Variants in THEM4 observed in about 807,000 individuals in gnomAD.
THEM4 encodes the protein acyl-coenzyme A thioesterase THEM4.
In THEM4, 22 loss-of-function variants were observed where a neutral mutation model predicts 25.0. That is an observed-to-expected ratio of 0.88 (90% CI 0.63 to 1.26). The LOEUF is 1.26. Ranked by LOEUF, THEM4 falls within the 50% of genes most tolerant of loss-of-function variation. The probability of loss-of-function intolerance (pLI) is 0.00; values close to 1 mark genes in which losing one functional copy is unlikely to be tolerated. For synonymous variants in THEM4, 113 were observed against 105.6 expected, an observed-to-expected ratio of 1.07 and a Z score of -0.43; for missense variants, 286 against 300.3, an observed-to-expected ratio of 0.95 and a Z score of 0.35.
At chr1:151,902,318 C>G (rs1654370196) in intron 1 of THEM4, among the ~76,000 whole-genome samples, 1 of 152,180 alleles carries the variant, frequency 6.6e-6, no homozygotes. Context: ...ATGCCCAACA[C>G]AAAATCGTGG....
chr1:151,906,434 C>T (rs1048729460), intron 1 of THEM4, among the ~76,000 whole-genome samples: 2 of 152,250 alleles, frequency 1.3e-5, no homozygotes, highest in South Asian at 4.1e-4. Flanking sequence ...TCCGTGGGCT[C>T]CTGCACGGCC....
intron 1 of THEM4, among the ~76,000 whole-genome samples, chr1:151,903,072 TG>T (rs1299202377): frequency 6.6e-6 from 1 of 152,168 alleles, no homozygotes; most frequent in African/African-American, 2.4e-5. Context: ...ATCAGAGGGT[TG>T]GGGATACATG....
chr1:151,899,267 C>G (rs900463412), intron 1 of THEM4, among the ~76,000 whole-genome samples: 9 of 152,070 alleles, frequency 5.9e-5, no homozygotes, highest in Non-Finnish European at 1.3e-4. Context: ...CCAAGGTGGG[C>G]AGATCACAAG....
intron 4 of THEM4, among the ~76,000 whole-genome samples, chr1:151,884,683 T>G (rs1452900311): frequency 1.0e-4 from 3 of 29,020 alleles, no homozygotes; most frequent in Non-Finnish European, 1.8e-4. Flanking sequence ...ATTTCCTTTT[T>G]TTTGTTTTTT....
At chr1:151,876,096 C>A (rs941715832) in intron 5 of THEM4, among the ~76,000 whole-genome samples, 2 of 152,174 alleles carry the variant, frequency 1.3e-5, no homozygotes, top group East Asian at 1.9e-4. Flanking sequence ...CATGGATGAA[C>A]CTCAGTACTC....
Position 151,888,339 on chromosome 1 carries a change from A to G in THEM4, c.491T>C (p.Val164Ala). The stretch of plus-strand genomic sequence containing the variant: ...CCCAGCCATCATTGCACACATACCA[A>G]CAGTAGCATCAATCATGGTTGCAAT... ...GAIATMIDATVGMCAMMAGGI... is the reference protein window; with the variant it reads ...GAIATMIDATAGMCAMMAGGI... The change falls in exon 4 of 6, where the codon GTT becomes GCT. Residue 164 changes from valine to alanine, a missense_variant. Physicochemically the swap from Val to Ala is moderately conservative, Grantham distance 64. Transcript: ENST00000368814. The G allele has an allele frequency of 6.2e-7, 1 of 1,613,654 alleles. No homozygotes were observed. Among genetic ancestry groups the G allele is most frequent in the Admixed American group, 1.7e-5 (1 of 59,912 alleles).
intron 1 of THEM4, among the ~76,000 whole-genome samples, chr1:151,907,821 C>A (rs1455531503): frequency 1.3e-5 from 2 of 152,226 alleles, no homozygotes; most frequent in Non-Finnish European, 2.9e-5. Flanking sequence ...AGTGCACTCA[C>A]AAGACAGTTG....
At chr1:151,892,613 G>T (rs762328447) in intron 2 of THEM4, among the ~76,000 whole-genome samples, 5 of 152,148 alleles carry the variant, frequency 3.3e-5, no homozygotes, top group Non-Finnish European at 5.9e-5. Context: ...TTCTTGATTA[G>T]TTTTATTTTT....
At chr1:151,876,949 T>TCCCAA in intron 5 of THEM4, 52 bp downstream of exon 5, 2 of 1,542,004 alleles carry the variant, frequency 1.3e-6, no homozygotes, top group Non-Finnish European at 1.7e-6. Flanking sequence ...CAACCAAAAC[T>TCCCAA]CCCAACCCAA....
intron 1 of THEM4, among the ~76,000 whole-genome samples, chr1:151,903,286 A>G (rs1315650781): frequency 6.6e-6 from 1 of 152,136 alleles, no homozygotes; most frequent in African/African-American, 2.4e-5. Flanking sequence ...TTTAAATATA[A>G]TTTTTCCTAA....
At chr1:151,906,048 C>G (rs1654454728) in intron 1 of THEM4, among the ~76,000 whole-genome samples, 1 of 152,266 alleles carries the variant, frequency 6.6e-6, no homozygotes, top group South Asian at 2.1e-4. Flanking sequence ...CTTCAGGAGC[C>G]CTTCAGCCCA....
intron 4 of THEM4, among the ~76,000 whole-genome samples, chr1:151,885,413 C>T (rs1380360665): frequency 6.6e-6 from 1 of 152,222 alleles, no homozygotes; most frequent in Non-Finnish European, 1.5e-5. Flanking sequence ...GCCACTGTGC[C>T]CAGCCTCATC....
chr1:151,898,716 G>A (rs1654277755), intron 1 of THEM4, among the ~76,000 whole-genome samples: 1 of 152,220 alleles, frequency 6.6e-6, no homozygotes, highest in African/African-American at 2.4e-5. Context: ...AAAAGGCACT[G>A]GTATTCATGG....
At chr1:151,889,430 C>A in intron 2 of THEM4, 57 bp from the exon 3 acceptor site, 1 of 1,551,828 alleles carries the variant, frequency 6.4e-7, no homozygotes, top group Non-Finnish European at 8.8e-7. Flanking sequence ...AATGCCATGG[C>A]AGAGCCAAGC....
At chr1:151,881,146 A>C (rs1203470141) in intron 4 of THEM4, among the ~76,000 whole-genome samples, 1 of 152,076 alleles carries the variant, frequency 6.6e-6, no homozygotes, top group Non-Finnish European at 1.5e-5. Context: ...GTTAATCACT[A>C]TAATTTATTT....
intron 1 of THEM4, among the ~76,000 whole-genome samples, chr1:151,905,454 C>T (rs945106081): frequency 2.0e-5 from 3 of 151,720 alleles, no homozygotes; most frequent in East Asian, 1.9e-4. Flanking sequence ...CTGTGTTTGG[C>T]GCTCAAATAT....
chr1:151,883,094 TTTTATTTATTTATTTA>T (rs10639543), intron 4 of THEM4, among the ~76,000 whole-genome samples: 13 of 138,350 alleles, frequency 9.4e-5, no homozygotes, highest in Non-Finnish European at 1.7e-4. Flanking sequence ...TGTCAAATGC[TTTTATTTATTTATTTA>T]TTTATTTATT....
At chr1:151,887,671 T>C (rs1464635300) in intron 4 of THEM4, among the ~76,000 whole-genome samples, 1 of 152,118 alleles carries the variant, frequency 6.6e-6, no homozygotes, top group African/African-American at 2.4e-5. Flanking sequence ...GTTGGGGTCT[T>C]GTTGCCCACC....
In THEM4 at chr1:151,876,994, T is replaced by C. The variant is rs1477079560; in HGVS notation, c.682+7A>G. On this transcript the variant is annotated splice_region_variant and intron_variant, in intron 5 of 5. Transcript: ENST00000368814. ...ACCCCAAGAAAGAGATAAGACCAGC[T>C]TCTTACTTGTCGCCTCTGAGTATAG... 5 of 1,603,036 alleles carry C rather than the reference T, an allele frequency of 3.1e-6. No homozygotes were observed. The African/African-American group carries it at 6.7e-5, about 22-fold the overall frequency.
Sources: allele counts gnomAD v4.1 joint callset (sites outside exome capture counted in the v4.1 genomes callset), GRCh38; gene constraint gnomAD v4.1.1; transcripts MANE v1.5; gene names NCBI Gene and HGNC (gene_info 2026-07-23, HGNC 2026-07-21).